GNPDA2: variants seen among roughly 807,000 people sequenced by gnomAD.
GNPDA2 encodes glucosamine-6-phosphate deaminase 2.
A neutral mutation model predicts 27.0 loss-of-function variants in GNPDA2; 24 were observed. The ratio of observed to expected loss-of-function variants is 0.89; its 90% CI spans 0.64 to 1.25. The LOEUF is 1.25. Ranked by LOEUF, GNPDA2 falls within the 50% of genes most tolerant of loss-of-function variation. The pLI is 0.00. For synonymous variants in GNPDA2, 94 were observed against 108.4 expected, an observed-to-expected ratio of 0.87 and a Z score of 0.83; for missense variants, 286 against 335.1, an observed-to-expected ratio of 0.85 and a Z score of 1.14.
Position 44,703,778 on chromosome 4 carries a change from C to A in GNPDA2, c.770-636G>T, listed in dbSNP as rs1239102569. ...AATTGGTACATATACTTGCAGACTG[C>A]TCTTAGCTATGGAAGCTGCTTGGGA... On this transcript the variant is annotated intron_variant, in intron 6 of 6. Transcript: ENST00000295448. 7 of 984,994 alleles carry A rather than the reference C, an allele frequency of 7.1e-6. No homozygotes were observed. In the East Asian group the frequency reaches 7.9e-4, roughly 112 times the overall value. 61.0% of individuals were successfully genotyped at this position (984,994 alleles called of 1,614,324 possible). A position where few individuals can be genotyped will look rare whatever the true frequency, so the allele number is the denominator to read the frequency against.
chr4:44,702,404 C>CA lies in GNPDA2; in HGVS notation c.*676dup. ...ATTGTCAAGATACTTATATTAGGGA[C>CA]ATGAACCCAAGTCGTTAAATAAAAA... On this transcript the variant is annotated 3_prime_UTR_variant, in exon 7 of 7. Coordinates refer to ENST00000295448, the MANE Select transcript of GNPDA2 (RefSeq NM_138335.3). 2 of 972,122 alleles carry CA rather than the reference C, an allele frequency of 2.1e-6. No homozygotes were observed. Among genetic ancestry groups the CA allele is most frequent in the Non-Finnish European group, 2.4e-6 (2 of 817,720 alleles). 60.2% of individuals were successfully genotyped at this position (972,122 alleles called of 1,614,324 possible).
intron 6 of GNPDA2, chr4:44,706,079 A>G (rs1255292969): frequency 6.6e-6 from 1 of 151,900 alleles, no homozygotes; most frequent in African/African-American, 2.4e-5. Context: ...GAATCTCCTT[A>G]AAACTGGAAT....
At chr4:44,708,705 CAT>C (rs1315039381) in intron 5 of GNPDA2, among the ~76,000 whole-genome samples, 4 of 152,130 alleles carry the variant, frequency 2.6e-5, no homozygotes, top group African/African-American at 4.8e-5. Context: ...CATCTACACA[CAT>C]ATTTTTGTAA....
intron 4 of GNPDA2, among the ~76,000 whole-genome samples, chr4:44,715,082 C>G (rs1717202797): frequency 6.6e-6 from 1 of 152,034 alleles, no homozygotes; most frequent in South Asian, 2.1e-4. Context: ...AAAAGGAGAA[C>G]TGAGGTGGTT....
At chr4:44,710,453 C>A (rs1354715953) in intron 5 of GNPDA2, among the ~76,000 whole-genome samples, 1 of 152,162 alleles carries the variant, frequency 6.6e-6, no homozygotes, top group Non-Finnish European at 1.5e-5. Context: ...CTGTTCAGAG[C>A]TCTTCCATGC....
chr4:44,704,436 T>C (rs16857402), intron 6 of GNPDA2: 203,671 of 908,530 alleles, frequency 0.22, 23,307 homozygotes, highest in Middle Eastern at 0.33. Context: ...AGCTTTAAAA[T>C]ACATGCAAAT....
At chr4:44,705,459 T>C (rs1716531045) in intron 6 of GNPDA2, 1 of 985,204 alleles carries the variant, frequency 1.0e-6, no homozygotes, top group Non-Finnish European at 1.2e-6. Flanking sequence ...CTGTGTCCTC[T>C]TGATGCAGTG....
At chr4:44,714,675 G>A (rs1168622366) in intron 4 of GNPDA2, 2 of 984,754 alleles carry the variant, frequency 2.0e-6, no homozygotes, top group African/African-American at 3.5e-5. Context: ...ACAAAAGAAG[G>A]GTAGTTGTAA....
rs1445865610 is a variant in GNPDA2, at chr4:44,702,950, T to G, written c.*131A>C. The stretch of plus-strand genomic sequence containing the variant: ...TATTCAAAATATGGAATGTTTAACA[T>G]AGAGACTCGAATGAAAAAATGACAA... On this transcript the variant is annotated 3_prime_UTR_variant, in exon 7 of 7. Transcript: ENST00000295448. 15 of 1,515,612 alleles carry G rather than the reference T, an allele frequency of 9.9e-6. No homozygotes were observed. The highest frequency in any genetic ancestry group is 1.3e-5 in the Non-Finnish European group (15 of 1,140,612). The allele number at this position is 1,515,612 out of a possible 1,614,324, so 93.9% of individuals were successfully genotyped here.
intron 4 of GNPDA2, among the ~76,000 whole-genome samples, chr4:44,713,238 T>A (rs965852307): frequency 6.6e-6 from 1 of 152,200 alleles, no homozygotes; most frequent in Non-Finnish European, 1.5e-5. Context: ...GGTCTAGAGA[T>A]AAGCACTTGT....
At chr4:44,713,095 A>C (rs1356629941) in intron 4 of GNPDA2, among the ~76,000 whole-genome samples, 1 of 152,194 alleles carries the variant, frequency 6.6e-6, no homozygotes, top group African/African-American at 2.4e-5. Flanking sequence ...AAATGAATGT[A>C]TGGTTGCTAT....
rs1355883843 is a variant in GNPDA2 at position 44,702,267 on chromosome 4, C to CT, written c.*813dup. Reference sequence around the variant, plus strand: ...CCTTTTATATATACTTCGTATTATTCTTTTAGACATTTTATAAGGAATAAA... The same window carrying CT: ...CCTTTTATATATACTTCGTATTATTCTTTTTAGACATTTTATAAGGAATAAA... On this transcript the variant is annotated 3_prime_UTR_variant, in exon 7 of 7. Coordinates refer to ENST00000295448, the MANE Select transcript of GNPDA2 (RefSeq NM_138335.3). 6.5e-6 allele frequency: 4 copies of CT among 613,072 alleles called. No homozygotes were observed. The highest frequency in any genetic ancestry group is 4.0e-5 in the African/African-American group (2 of 50,038). The allele number at this position is 613,072 out of a possible 1,614,324, so 38.0% of individuals were successfully genotyped here.
chr4:44,717,671 T>C (rs1717392940), intron 3 of GNPDA2, among the ~76,000 whole-genome samples: 1 of 151,908 alleles, frequency 6.6e-6, no homozygotes, highest in Non-Finnish European at 1.5e-5. Flanking sequence ...ACTTACATGT[T>C]AAGCTCAAAA....
chr4:44,714,407 T>G (rs895712646), intron 4 of GNPDA2: 1 of 985,304 alleles, frequency 1.0e-6, no homozygotes, highest in Non-Finnish European at 1.2e-6. Flanking sequence ...CATTTGAGTA[T>G]GTATTTCCTC....
intron 3 of GNPDA2, among the ~76,000 whole-genome samples, chr4:44,718,067 T>C (rs1460796210): frequency 6.6e-6 from 1 of 151,884 alleles, no homozygotes; most frequent in East Asian, 1.9e-4. Context: ...CCAGGATGAA[T>C]GCAGAGCTTC....
intron 3 of GNPDA2, among the ~76,000 whole-genome samples, chr4:44,717,529 T>C (rs914804351): frequency 6.6e-6 from 1 of 151,800 alleles, no homozygotes; most frequent in Non-Finnish European, 1.5e-5. Context: ...AGGTGAACAA[T>C]TGAAACACAA....
chr4:44,704,850 AAAGT>A (rs1716490476), intron 6 of GNPDA2: 4 of 984,104 alleles, frequency 4.1e-6, no homozygotes, highest in African/African-American at 1.7e-5. Context: ...GCCTAAATAC[AAAGT>A]AAGAGAAAAA....
At chr4:44,723,510 T>C (rs1256440361) in intron 1 of GNPDA2, among the ~76,000 whole-genome samples, 5 of 152,138 alleles carry the variant, frequency 3.3e-5, no homozygotes, top group African/African-American at 1.2e-4. Flanking sequence ...TTCTTTCTAT[T>C]TGGGAGTTGT....
At chr4:44,707,386 G>A in intron 6 of GNPDA2, 1 of 270,644 alleles carries the variant, frequency 3.7e-6, no homozygotes, top group Non-Finnish European at 6.9e-6. Flanking sequence ...GGGGAGTGAG[G>A]AAGAGGGATT....
Sources: allele counts gnomAD v4.1 joint callset (sites outside exome capture counted in the v4.1 genomes callset), GRCh38; gene constraint gnomAD v4.1.1; transcripts MANE v1.5; gene names NCBI Gene and HGNC (gene_info 2026-07-23, HGNC 2026-07-21).